MACROD2: variants seen among roughly 807,000 people sequenced by gnomAD.
The protein encoded by MACROD2 is mono-ADP ribosylhydrolase 2, also known as ADP-ribose glycohydrolase MACROD2.
Under a neutral mutation model 70.4 loss-of-function variants are expected in MACROD2, and 36 were observed. That is an observed-to-expected ratio of 0.51 (90% CI 0.39 to 0.68). MACROD2 has a LOEUF of 0.68. MACROD2 is among the 30% of genes least tolerant of loss of function. The probability of loss-of-function intolerance (pLI) is 0.00; values close to 1 mark genes in which losing one functional copy is unlikely to be tolerated. For missense variants in MACROD2, 496 were observed against 538.4 expected, an observed-to-expected ratio of 0.92 and a Z score of 0.78; for synonymous variants, 172 against 178.8, an observed-to-expected ratio of 0.96 and a Z score of 0.30.
At chr20:15,952,962 T>C (rs1194583170) in intron 12 of MACROD2, among the ~76,000 whole-genome samples, 1 of 152,122 alleles carries the variant, frequency 6.6e-6, no homozygotes, top group African/African-American at 2.4e-5. Flanking sequence ...AACTCTCCCA[T>C]TTCTGTGGGG....
intron 8 of MACROD2, among the ~76,000 whole-genome samples, chr20:15,611,463 G>T (rs918915072): frequency 1.3e-5 from 2 of 152,002 alleles, no homozygotes; most frequent in African/African-American, 4.8e-5. Flanking sequence ...TCTGACCAAG[G>T]TTGTTAATAA....
intron 6 of MACROD2, among the ~76,000 whole-genome samples, chr20:15,418,122 C>T (rs999829297): frequency 6.6e-6 from 1 of 152,180 alleles, no homozygotes. Flanking sequence ...GGAGGTTACT[C>T]ACCCAGTCTG....
intron 10 of MACROD2, among the ~76,000 whole-genome samples, chr20:15,928,666 C>T (rs1018963132): frequency 1.3e-5 from 2 of 152,188 alleles, no homozygotes; most frequent in African/African-American, 4.8e-5. Flanking sequence ...GTTTGATAAC[C>T]TTTGCAAAGC....
At chr20:14,041,567 A>G (rs777592707) in intron 2 of MACROD2, among the ~76,000 whole-genome samples, 7 of 152,254 alleles carry the variant, frequency 4.6e-5, no homozygotes, top group South Asian at 2.1e-4. Context: ...AGATGAAATC[A>G]TAAACCAGAA....
intron 5 of MACROD2, among the ~76,000 whole-genome samples, chr20:14,890,984 T>TCCC: frequency 1.3e-5 from 1 of 77,286 alleles, no homozygotes; most frequent in Non-Finnish European, 3.0e-5. Context: ...CCTTCCTTCC[T>TCCC]TCCTTCCTCC....
intron 3 of MACROD2, among the ~76,000 whole-genome samples, chr20:14,365,240 T>C (rs1354622736): frequency 6.6e-6 from 1 of 152,102 alleles, no homozygotes; most frequent in African/African-American, 2.4e-5. Flanking sequence ...ATCTACATTA[T>C]TCAATTTGTT....
At chr20:15,430,606 T>C (rs141580265) in intron 6 of MACROD2, among the ~76,000 whole-genome samples, 2 of 152,128 alleles carry the variant, frequency 1.3e-5, no homozygotes, top group East Asian at 3.9e-4. Flanking sequence ...TCAATTCATT[T>C]TTTTCAATCA....
chr20:15,859,447 C>T (rs771936251), intron 8 of MACROD2, among the ~76,000 whole-genome samples: 9 of 152,122 alleles, frequency 5.9e-5, no homozygotes, highest in Admixed American at 5.2e-4. Flanking sequence ...GGATGGAAAG[C>T]GCATCGCATG....
chr20:16,036,899 T>C (rs907502477), intron 15 of MACROD2, among the ~76,000 whole-genome samples: 18 of 152,012 alleles, frequency 1.2e-4, no homozygotes, highest in African/African-American at 3.1e-4. Context: ...GAAAACCTCA[T>C]GTGCACTCAT....
chr20:14,176,741 T>G (rs2081266182), intron 3 of MACROD2, among the ~76,000 whole-genome samples: 1 of 152,220 alleles, frequency 6.6e-6, no homozygotes, highest in Admixed American at 6.5e-5. Flanking sequence ...CATTTTTATC[T>G]TGGTTTTGAG....
chr20:15,299,514 G>A lies in MACROD2; in HGVS notation c.540+69453G>A, dbSNP rs150899941. Among the ~76,000 whole-genome samples the A allele has an allele frequency of 5.3e-3, 813 of 152,310 alleles. 7 individuals are homozygous for A. The highest frequency in any genetic ancestry group is 0.018 in the African/African-American group (760 of 41,570). On this transcript the variant is annotated intron_variant, in intron 6 of 17. Transcript: ENST00000684519. ...TGTGGAAGTCATTTTAAGGCCCAGAGTATTTTCATGTATTTTGGCCTCTCT... is the reference window on the plus strand; with the variant it reads ...TGTGGAAGTCATTTTAAGGCCCAGAATATTTTCATGTATTTTGGCCTCTCT...
chr20:15,667,258 C>T (rs1340872794), intron 8 of MACROD2, among the ~76,000 whole-genome samples: 1 of 152,222 alleles, frequency 6.6e-6, no homozygotes, highest in East Asian at 1.9e-4. Context: ...CTTGCTTGCT[C>T]CTGCTTTCTC....
chr20:14,154,041 G>C (rs968790707), intron 3 of MACROD2, among the ~76,000 whole-genome samples: 2 of 152,204 alleles, frequency 1.3e-5, no homozygotes, highest in Non-Finnish European at 2.9e-5. Flanking sequence ...TGAAAGGAAA[G>C]TGCAGGCGTT....
rs1045131069 is a variant in MACROD2, at chr20:14,154,222, G to T, written c.271+68494G>T. Among the ~76,000 whole-genome samples the T allele has an allele frequency of 5.9e-5, 9 of 152,122 alleles. No individual in the cohort carries two copies. In the East Asian group the frequency reaches 1.7e-3, roughly 29 times the overall value. The stretch of plus-strand genomic sequence containing the variant: ...TCAGTATTGACTTGAAACATTTCAT[G>T]GGTCCTTTTCTCATTATTCCTGACG... On this transcript the variant is annotated intron_variant, in intron 3 of 17. Coordinates refer to ENST00000684519, the MANE Select transcript of MACROD2 (RefSeq NM_001351661.2).
At chr20:14,921,056 C>A (rs2122636980) in intron 5 of MACROD2, among the ~76,000 whole-genome samples, 1 of 152,234 alleles carries the variant, frequency 6.6e-6, no homozygotes, top group Middle Eastern at 3.4e-3. Flanking sequence ...CCAGTCATCC[C>A]TTTAAACCAC....
rs566258292 is a variant in MACROD2 at position 14,546,914 on chromosome 20, T to C, written c.301+53406T>C. Among the ~76,000 whole-genome samples the C allele has an allele frequency of 1.4e-4, 21 of 151,986 alleles. No individual in the cohort carries two copies. In the East Asian group the frequency reaches 3.9e-3, roughly 28 times the overall value. On this transcript the variant is annotated intron_variant, in intron 4 of 17. Transcript: ENST00000684519. The stretch of plus-strand genomic sequence containing the variant: ...GCTTATAGTAGGTGCTCACCCAATA[T>C]CTGTATTTTCTCTTTTTTTTTTCAA...
chr20:15,163,534 A>G (rs1247994748), intron 5 of MACROD2, among the ~76,000 whole-genome samples: 1 of 152,112 alleles, frequency 6.6e-6, no homozygotes, highest in African/African-American at 2.4e-5. Flanking sequence ...TTACATAAGT[A>G]TAGAAACCTG....
At chr20:14,863,647 T>G (rs945389302) in intron 5 of MACROD2, among the ~76,000 whole-genome samples, 1 of 152,098 alleles carries the variant, frequency 6.6e-6, no homozygotes, top group African/African-American at 2.4e-5. Context: ...GCTTAATATA[T>G]ATAACATTAA....
At chr20:15,233,981 A>ATT (rs547497740) in intron 6 of MACROD2, among the ~76,000 whole-genome samples, 3 of 30,910 alleles carry the variant, frequency 9.7e-5, no homozygotes, top group East Asian at 1.7e-3. Context: ...ATATATATTT[A>ATT]TTTATATATA....
Sources: gnomAD v4.1 joint callset for allele counts (sites outside exome capture counted in the v4.1 genomes callset) on GRCh38, gnomAD v4.1.1 for gene constraint, MANE v1.5 for transcripts, NCBI Gene and HGNC (gene_info 2026-07-23, HGNC 2026-07-21) for gene names.